Variants in EIF1AD observed in about 807,000 individuals in gnomAD.
The protein encoded by EIF1AD is probable RNA-binding protein EIF1AD.
EIF1AD carries 9 observed loss-of-function variants against 21.7 expected under a neutral mutation model. The ratio of observed to expected loss-of-function variants is 0.41; its 90% confidence interval spans 0.25 to 0.72. The LOEUF (loss-of-function observed/expected upper bound fraction) is 0.72, where lower values mean the gene tolerates loss of function less well. Ranked by LOEUF, EIF1AD falls within the 30% of genes least tolerant of loss-of-function variation. The pLI is 0.29. For missense variants in EIF1AD, 164 were observed against 199.7 expected (o/e 0.82, Z 1.08); for synonymous variants, 78 against 70.9 (o/e 1.10, Z -0.50).
rs1161018820 is a variant in EIF1AD, at chr11:65,997,139, A to C, written c.*1460T>G. ...TCAGGAGTTCGAGACCAGCCCGGGC[A>C]ACATGGCAAAACCCCGTCTCTACTA... is the stretch of plus-strand genomic sequence containing the variant. On this transcript the variant is annotated 3_prime_UTR_variant, in exon 6 of 6. Transcript: ENST00000533544. 1 of 151,918 alleles carries C rather than the reference A, an allele frequency of 6.6e-6. No homozygotes were observed. The highest frequency in any genetic ancestry group is 2.4e-5 in the African/African-American group (1 of 41,324). 9.4% of individuals were successfully genotyped at this position (151,918 alleles called of 1,614,324 possible).
At chr11:66,001,060 G>C (rs987998817) in intron 1 of EIF1AD, among the ~76,000 whole-genome samples, 1 of 151,950 alleles carries the variant, frequency 6.6e-6, no homozygotes, top group Non-Finnish European at 1.5e-5. Flanking sequence ...TAAGACACGA[G>C]TCTGCCGACG....
chr11:65,999,446 CA>C, intron 4 of EIF1AD, 49 bp from the exon 5 acceptor site: 1 of 1,613,904 alleles, frequency 6.2e-7, no homozygotes, highest in South Asian at 1.1e-5. Context: ...AAATTTCTCA[CA>C]AAAGAGCTGC....
Position 65,999,408 on chromosome 11 carries a change from A to G in EIF1AD, c.306-11T>C, listed in dbSNP as rs1207058537. 1.9e-6 allele frequency: 3 copies of G among 1,614,238 alleles called. No individual in the cohort carries two copies. Among genetic ancestry groups the G allele is most frequent in the Admixed American group, 3.3e-5 (2 of 60,022 alleles). On this transcript the variant is annotated splice_polypyrimidine_tract_variant and intron_variant, in intron 4 of 5. Coordinates refer to ENST00000533544, the MANE Select transcript of EIF1AD (RefSeq NM_001242481.2). ...GAGAAGGCCTCAGGCCTATGCCAAGAGATGAGCCAAAGTCAGAAAGGACAA... is the reference window on the plus strand; with the variant it reads ...GAGAAGGCCTCAGGCCTATGCCAAGGGATGAGCCAAAGTCAGAAAGGACAA...
chr11:66,000,194 C>T, intron 2 of EIF1AD, 33 bp from the exon 3 acceptor site: 1 of 1,607,504 alleles, frequency 6.2e-7, no homozygotes, highest in African/African-American at 1.3e-5. Context: ...TCAGTCTCAT[C>T]AGTCAGATCA....
chr11:66,000,005 C>A, intron 3 of EIF1AD, 48 bp downstream of exon 3: 1 of 1,446,212 alleles, frequency 6.9e-7, no homozygotes. Context: ...AGCGATCCTC[C>A]CATCTCAGCC....
At chr11:65,999,218 T>C in intron 5 of EIF1AD, 132 bp downstream of exon 5, 1 of 1,248,876 alleles carries the variant, frequency 8.0e-7, no homozygotes, top group East Asian at 2.3e-5. Flanking sequence ...CATAACCATG[T>C]TATACCACAT....
chr11:65,999,571 AC>A lies in EIF1AD; in HGVS notation c.300del (p.Trp102GlyfsTer98). On this transcript the variant is annotated frameshift_variant, in exon 4 of 6. Transcript: ENST00000533544. LOFTEE classifies it high-confidence loss of function. ...KDHVRSLQKEGFWPEAFSEVA... is the reference protein window; with the variant it reads ...KDHVRSLQKEXFWPEAFSEVA... The stretch of plus-strand genomic sequence containing the variant: ...ATGATCAAGGGGACCACCTACCAAA[AC>A]CCCTCCTTCTGCAGAGAGCGCACGT... 6.2e-7 allele frequency: 1 copy of A among 1,612,608 alleles called. No homozygotes were observed.
rs1206054688 is a variant in EIF1AD at position 65,998,406 on chromosome 11, G to C, written c.*193C>G. 1 of 550,464 alleles carries C rather than the reference G, an allele frequency of 1.8e-6. No homozygotes were observed. The highest frequency in any genetic ancestry group is 3.0e-6 in the Non-Finnish European group (1 of 334,158). 34.1% of individuals were successfully genotyped at this position (550,464 alleles called of 1,614,324 possible). Reference sequence around the variant, plus strand: ...TCATCACAATCTCCCTCCCCCGAGAGAGCCACTCAGACACCAGAACAAGTC... The same window carrying C: ...TCATCACAATCTCCCTCCCCCGAGACAGCCACTCAGACACCAGAACAAGTC... On this transcript the variant is annotated 3_prime_UTR_variant, in exon 6 of 6. Transcript: ENST00000533544.
At chr11:65,999,922 A>C in intron 3 of EIF1AD, 131 bp downstream of exon 3, 1 of 712,266 alleles carries the variant, frequency 1.4e-6, no homozygotes. Flanking sequence ...AGCTGGGATC[A>C]CAGGCACGTG....
At chr11:66,001,550 A>G (rs1432632718) in intron 1 of EIF1AD, among the ~76,000 whole-genome samples, 1 of 152,006 alleles carries the variant, frequency 6.6e-6, no homozygotes. Flanking sequence ...TGCTCCAGAG[A>G]AGTCATCCTG....
Position 65,998,396 on chromosome 11 carries a change from T to A in EIF1AD, c.*203A>T. 6 of 424,362 alleles carry A rather than the reference T, an allele frequency of 1.4e-5. No homozygotes were observed. Among genetic ancestry groups the A allele is most frequent in the African/African-American group, 2.1e-5 (1 of 48,620 alleles). 26.3% of individuals were successfully genotyped at this position (424,362 alleles called of 1,614,324 possible). A position where few individuals can be genotyped will look rare whatever the true frequency, so the allele number is the denominator to read the frequency against. On this transcript the variant is annotated 3_prime_UTR_variant, in exon 6 of 6. Coordinates refer to ENST00000533544, the MANE Select transcript of EIF1AD (RefSeq NM_001242481.2). ...GTTTTTCACTTCATCACAATCTCCC[T>A]CCCCCGAGAGAGCCACTCAGACACC...
Position 66,000,113 on chromosome 11 carries a change from C to T in EIF1AD, c.136G>A (p.Gly46Arg). 6.2e-7 allele frequency: 1 copy of T among 1,614,190 alleles called. No individual in the cohort carries two copies. The highest frequency in any genetic ancestry group is 8.5e-7 in the Non-Finnish European group (1 of 1,180,032). The part of the protein sequence containing the change: ...NNLHEVETAQ[G>R]QRFLVSMPSK... Reference sequence around the variant, plus strand: ...GGCATGCTCACCAGGAAGCGCTGCCCTTGGGCTGTCTCCACCTCATGCAGA... The same window carrying T: ...GGCATGCTCACCAGGAAGCGCTGCCTTTGGGCTGTCTCCACCTCATGCAGA... The change falls in exon 3 of 6, where the codon GGG (glycine) becomes AGG (arginine). Residue 46 changes from glycine (G) to arginine (R), a missense_variant. By Grantham distance (125) the Gly-to-Arg change is moderately radical. Coordinates refer to ENST00000533544, the MANE Select transcript of EIF1AD (RefSeq NM_001242481.2).
Position 65,996,648 on chromosome 11 carries a change from C to T in EIF1AD, c.*1951G>A, listed in dbSNP as rs944267715. ...ACAAATGTATATATGTTTAAAGCCA[C>T]GCTATAAGAGAAAGTAAATGAGAAA... On this transcript the variant is annotated 3_prime_UTR_variant, in exon 6 of 6. Coordinates refer to ENST00000533544, the MANE Select transcript of EIF1AD (RefSeq NM_001242481.2). 6 of 151,836 alleles carry T rather than the reference C, an allele frequency of 4.0e-5. No individual in the cohort carries two copies. Among genetic ancestry groups the T allele is most frequent in the African/African-American group, 1.2e-4 (5 of 41,278 alleles). The allele number at this position is 151,836 out of a possible 1,614,324, so 9.4% of individuals were successfully genotyped here.
rs1242156104 is a variant in EIF1AD at position 65,996,837 on chromosome 11, T to C, written c.*1762A>G. ...CCAAAAACACAAAACAAAAAAAGAA[T>C]CAAATACCCACACCCAGACACAATA... On this transcript the variant is annotated 3_prime_UTR_variant, in exon 6 of 6. Transcript: ENST00000533544. The C allele has an allele frequency of 6.6e-6, 1 of 151,800 alleles. No individual in the cohort carries two copies. The highest frequency in any genetic ancestry group is 2.4e-5 in the African/African-American group (1 of 41,288). The allele number at this position is 151,800 out of a possible 1,614,324, so 9.4% of individuals were successfully genotyped here.
chr11:66,001,550 A>T (rs1432632718), intron 1 of EIF1AD, among the ~76,000 whole-genome samples: 2 of 152,006 alleles, frequency 1.3e-5, no homozygotes, highest in Admixed American at 1.3e-4. Context: ...TGCTCCAGAG[A>T]AGTCATCCTG....
In EIF1AD at chr11:65,998,024, G is replaced by C. The variant is rs1855793075; in HGVS notation, c.*575C>G. 2 of 152,676 alleles carry C rather than the reference G, an allele frequency of 1.3e-5. No homozygotes were observed. Among genetic ancestry groups the C allele is most frequent in the Non-Finnish European group, 2.9e-5 (2 of 68,380 alleles). 9.5% of individuals were successfully genotyped at this position (152,676 alleles called of 1,614,324 possible). On this transcript the variant is annotated 3_prime_UTR_variant, in exon 6 of 6. Coordinates refer to ENST00000533544, the MANE Select transcript of EIF1AD (RefSeq NM_001242481.2). ...AGTGGGAGAGATGAGGTCGTATGTGGGGATGGACACAGTAGCTGGAGGTGA... is the reference window on the plus strand; with the variant it reads ...AGTGGGAGAGATGAGGTCGTATGTGCGGATGGACACAGTAGCTGGAGGTGA...
In EIF1AD at chr11:65,999,591, C is replaced by CGCACGTGGTCCTTGCAGA; in HGVS notation, c.263_280dup (p.Leu88_Val93dup). On this transcript the variant is annotated inframe_insertion, in exon 4 of 6. Transcript: ENST00000533544. ...CCAAAACCCCTCCTTCTGCAGAGAG[C>CGCACGTGGTCCTTGCAGA]GCACGTGGTCCTTGCAGAGCACAAA... is the stretch of plus-strand genomic sequence containing the variant. The CGCACGTGGTCCTTGCAGA allele has an allele frequency of 1.2e-6, 2 of 1,613,754 alleles. No individual in the cohort carries two copies. Among genetic ancestry groups the CGCACGTGGTCCTTGCAGA allele is most frequent in the Non-Finnish European group, 1.7e-6 (2 of 1,179,838 alleles).
Position 66,002,074 on chromosome 11 carries a change from G to A in EIF1AD, c.-281C>T, listed in dbSNP as rs1855997866. 1 of 152,332 alleles carries A rather than the reference G, an allele frequency of 6.6e-6. No individual in the cohort carries two copies. Among genetic ancestry groups the A allele is most frequent in the Non-Finnish European group, 1.5e-5 (1 of 68,170 alleles). The allele number at this position is 152,332 out of a possible 1,614,324, so 9.4% of individuals were successfully genotyped here. A position where few individuals can be genotyped will look rare whatever the true frequency, so the allele number is the denominator to read the frequency against. On this transcript the variant is annotated 5_prime_UTR_variant, in exon 1 of 6. Coordinates refer to ENST00000533544, the MANE Select transcript of EIF1AD (RefSeq NM_001242481.2). ...CGACGGTAGCGTCAGTTAGAAATCA[G>A]GTCTCCAGTGTTCCCAGTTCCCACC...
rs574012839 is a variant in EIF1AD, at chr11:65,998,633, C to T, written c.464G>A (p.Ser155Asn). The change falls in exon 6 of 6, where the codon AGT becomes AAT. Residue 155 changes from serine (S) to asparagine (N), a missense_variant. Transcript: ENST00000533544. ...VNTNRRQYHE[S>N]EEESEEEEAA ...CTCCTCCTCTTCACTCTCCTCCTCACTCTCATGATACTGTCTGCGGTTTGT... is the reference window on the plus strand; with the variant it reads ...CTCCTCCTCTTCACTCTCCTCCTCATTCTCATGATACTGTCTGCGGTTTGT... The T allele has an allele frequency of 1.2e-6, 2 of 1,614,128 alleles. No individual in the cohort carries two copies. Among genetic ancestry groups the T allele is most frequent in the African/African-American group, 2.7e-5 (2 of 75,016 alleles).
Sources: allele counts gnomAD v4.1 joint callset (sites outside exome capture counted in the v4.1 genomes callset), GRCh38; gene constraint gnomAD v4.1.1; transcripts MANE v1.5; gene names NCBI Gene and HGNC (gene_info 2026-07-23, HGNC 2026-07-21).